Variants in CCDC183 observed in about 807,000 individuals in gnomAD.
The protein encoded by CCDC183 is coiled-coil domain-containing protein 183.
CCDC183 carries 63 observed loss-of-function variants against 65.2 expected under a neutral mutation model. The ratio of observed to expected loss-of-function variants is 0.97; its 90% CI spans 0.79 to 1.19. The LOEUF (loss-of-function observed/expected upper bound fraction) is 1.19. Ranked by LOEUF, CCDC183 falls within the 50% of genes most tolerant of loss-of-function variation. CCDC183 has a pLI of 0.00. For missense variants in CCDC183, 769 were observed against 689.3 expected, an observed-to-expected ratio of 1.12 and a Z score of -1.30; for synonymous variants, 323 against 276.5, an observed-to-expected ratio of 1.17 and a Z score of -1.67.
intron 2 of CCDC183, 34 bp downstream of exon 2, chr9:136,799,257 G>T (rs375740458): frequency 1.9e-5 from 30 of 1,570,482 alleles, no homozygotes; most frequent in Non-Finnish European, 3.4e-6. Context: ...TCTGCCTGGC[G>T]AGCAGGGCAG....
At position 136,807,005 on chromosome 9, in the gene CCDC183, G is replaced by T. The variant is rs780401236; in HGVS notation, c.1425G>T (p.Ser475=). 3.1e-6 allele frequency: 5 copies of T among 1,613,540 alleles called. No homozygotes were observed. Among genetic ancestry groups the T allele is most frequent in the Non-Finnish European group, 4.2e-6 (5 of 1,180,024 alleles). Residue 475 remains serine, a synonymous_variant, in exon 13 of 14, where the codon TCG becomes TCT. Coordinates refer to ENST00000338005, the MANE Select transcript of CCDC183 (RefSeq NM_001039374.5). ...AGGTGAGGGACACCCTGGAGTCCTCGACTCTGATGGAGAAGTACAACACCA... is the reference window on the plus strand; with the variant it reads ...AGGTGAGGGACACCCTGGAGTCCTCTACTCTGATGGAGAAGTACAACACCA... The part of the protein sequence containing the change: ...DTKVRDTLES[S]TLMEKYNTRI...
At chr9:136,800,561 G>A (rs1366370977) in intron 5 of CCDC183, 68 bp downstream of exon 5, 1 of 1,209,218 alleles carries the variant, frequency 8.3e-7, no homozygotes, top group African/African-American at 1.5e-5. Context: ...GAGCGTCCTG[G>A]GGCGGAGCCG....
rs759550831 is a variant in CCDC183, at chr9:136,799,138, A to C, written c.107A>C (p.Glu36Ala). 3 of 1,613,390 alleles carry C rather than the reference A, an allele frequency of 1.9e-6. No homozygotes were observed. The African/African-American group carries it at 4.0e-5, about 22-fold the overall frequency. The part of the protein sequence containing the change: ...CRALQIQGVK[E>A]NMDQNKATLA... ...GCACTCCAGATCCAAGGGGTGAAAGAGAATATGGACCAGAACAAGGCCACG... is the reference window on the plus strand; with the variant it reads ...GCACTCCAGATCCAAGGGGTGAAAGCGAATATGGACCAGAACAAGGCCACG... The change falls in exon 2 of 14, where the codon GAG becomes GCG. Residue 36 changes from glutamate to alanine, a missense_variant. By Grantham distance (107) the Glu-to-Ala change is moderately radical. Transcript: ENST00000338005.
chr9:136,797,661 A>G (rs572370745), intron 1 of CCDC183, among the ~76,000 whole-genome samples: 1 of 152,244 alleles, frequency 6.6e-6, no homozygotes, highest in African/African-American at 2.4e-5. Flanking sequence ...GATGGTCTCG[A>G]TCACCTGACC....
intron 1 of CCDC183, among the ~76,000 whole-genome samples, chr9:136,797,278 G>T (rs6560648): frequency 0.25 from 37,520 of 151,878 alleles, 4,838 homozygotes; most frequent in African/African-American, 0.31. Flanking sequence ...CCCTGCTGAC[G>T]TTCTCACCAC....
chr9:136,800,132 AGC>A lies in CCDC183; in HGVS notation c.402_403del (p.Gln134HisfsTer55). On this transcript the variant is annotated frameshift_variant, in exon 4 of 14. Transcript: ENST00000338005. LOFTEE classifies it high-confidence loss of function. ...CTGGAGCTGGACAGCCTGCGGAGCC[AGC>A]CCGACGCCAGCAAGGAGGAGCTGCG... 7.0e-7 allele frequency: 1 copy of A among 1,432,810 alleles called. No individual in the cohort carries two copies. The allele number at this position is 1,432,810 out of a possible 1,614,324, so 88.8% of individuals were successfully genotyped here. A position where few individuals can be genotyped will look rare whatever the true frequency, so the allele number is the denominator to read the frequency against.
intron 2 of CCDC183, 174 bp from the exon 3 acceptor site, chr9:136,799,539 T>G: frequency 1.4e-6 from 1 of 694,922 alleles, no homozygotes; most frequent in South Asian, 1.8e-5. Context: ...CCACGTCGCC[T>G]CCGAACTTGG....
chr9:136,799,105 A>C lies in CCDC183; in HGVS notation c.74A>C (p.Gln25Pro), dbSNP rs1056089921. ...TGTCCCCTCCACCTGCCCACAGAGC[A>C]GTGTCGGGCACTCCAGATCCAAGGG... ...ELKTITQLQE[Q>P]CRALQIQGVK... is the part of the protein sequence containing the mutation. The change falls in exon 2 of 14, where the codon CAG (glutamine) becomes CCG (proline). Residue 25 changes from glutamine to proline, a missense_variant. By Grantham distance (76) the Gln-to-Pro change is moderately conservative (BLOSUM62 -1). Transcript: ENST00000338005. 5.0e-6 allele frequency: 8 copies of C among 1,612,848 alleles called. No homozygotes were observed. Among genetic ancestry groups the C allele is most frequent in the Non-Finnish European group, 6.8e-6 (8 of 1,179,634 alleles).
Position 136,807,078 on chromosome 9 carries a change from G to T in CCDC183, c.1486+12G>T. 1.2e-6 allele frequency: 2 copies of T among 1,611,618 alleles called. No homozygotes were observed. The highest frequency in any genetic ancestry group is 1.7e-6 in the Non-Finnish European group (2 of 1,178,982). Reference sequence around the variant, plus strand: ...GGAGGATATGATCGGTACAGGCCCCGGAACTGGGGCCCGGGCTGCAGGCGG... The same window carrying T: ...GGAGGATATGATCGGTACAGGCCCCTGAACTGGGGCCCGGGCTGCAGGCGG... On this transcript the variant is annotated intron_variant, in intron 13 of 13. Transcript: ENST00000338005.
At chr9:136,799,291 A>G in intron 2 of CCDC183, 68 bp downstream of exon 2, 2 of 1,517,448 alleles carry the variant, frequency 1.3e-6, no homozygotes, top group East Asian at 2.3e-5. Context: ...ACACACTCGG[A>G]GGGCGGGCAC....
At chr9:136,805,681 G>A in intron 9 of CCDC183, 1 of 565,474 alleles carries the variant, frequency 1.8e-6, no homozygotes, top group Non-Finnish European at 3.2e-6. Flanking sequence ...ATTAGGCCTT[G>A]AGCTCCTAAC....
At chr9:136,799,503 C>T (rs901940040) in intron 2 of CCDC183, 3 of 681,146 alleles carry the variant, frequency 4.4e-6, no homozygotes, top group African/African-American at 1.8e-5. Flanking sequence ...AGGGGACACC[C>T]AGGCCCTCCT....
chr9:136,805,080 C>T (rs1564351415), intron 8 of CCDC183: 1 of 593,130 alleles, frequency 1.7e-6, no homozygotes, highest in Non-Finnish European at 3.0e-6. Flanking sequence ...CATCCTGACC[C>T]CTAAGCTGCC....
chr9:136,797,332 T>G (rs1459606702), intron 1 of CCDC183, among the ~76,000 whole-genome samples: 2 of 152,106 alleles, frequency 1.3e-5, no homozygotes, highest in African/African-American at 2.4e-5. Flanking sequence ...GTAAAAATAA[T>G]GATCAGTAAA....
chr9:136,799,117 T>C lies in CCDC183; in HGVS notation c.86T>C (p.Leu29Pro). The C allele has an allele frequency of 6.2e-7, 1 of 1,613,262 alleles. No individual in the cohort carries two copies. The highest frequency in any genetic ancestry group is 8.5e-7 in the Non-Finnish European group (1 of 1,179,812). Residue 29 changes from leucine (L) to proline (P), a missense_variant, in exon 2 of 14, where the codon CTC becomes CCC. Leu to Pro is a moderately conservative substitution (Grantham distance 98, BLOSUM62 -3). Transcript: ENST00000338005. ...ITQLQEQCRA[L>P]QIQGVKENMD... ...CTGCCCACAGAGCAGTGTCGGGCAC[T>C]CCAGATCCAAGGGGTGAAAGAGAAT...
intron 9 of CCDC183, 106 bp downstream of exon 9, chr9:136,805,563 C>A: frequency 9.4e-7 from 1 of 1,062,618 alleles, no homozygotes. Context: ...GGTGGCTGAG[C>A]TGGGCTGGGG....
At chr9:136,807,411 G>A (rs1291357238) in intron 13 of CCDC183, 161 bp from the exon 14 acceptor site, 7 of 928,818 alleles carry the variant, frequency 7.5e-6, no homozygotes, top group Admixed American at 6.0e-5. Flanking sequence ...GGCAGCGTGA[G>A]CCGCTGCGAA....
At position 136,806,857 on chromosome 9, in the gene CCDC183, G is replaced by A. The variant is rs1002514874; in HGVS notation, c.1379G>A (p.Arg460Lys). Residue 460 changes from arginine (R) to lysine (K), a missense_variant, in exon 12 of 14, where the codon AGG (arginine) becomes AAG (lysine). Transcript: ENST00000338005. ...GCTGACAGAGTGCAGATGGTGTCCA[G>A]GACCGAGGAGGTAGCCCCGGGCTGG... Reference protein sequence around the residue: ...YLADRVQMVSRTEEGDTKVRD... With the variant: ...YLADRVQMVSKTEEGDTKVRD... 3 of 1,613,488 alleles carry A rather than the reference G, an allele frequency of 1.9e-6. No homozygotes were observed. Among genetic ancestry groups the A allele is most frequent in the Non-Finnish European group, 2.5e-6 (3 of 1,180,012 alleles).
At chr9:136,803,942 T>C (rs1196563876) in intron 6 of CCDC183, 2 of 159,074 alleles carry the variant, frequency 1.3e-5, no homozygotes, top group African/African-American at 4.8e-5. Context: ...AGAAAGGGTG[T>C]ACTCAGGCTG....
Sources: allele counts gnomAD v4.1 joint callset (sites outside exome capture counted in the v4.1 genomes callset), GRCh38; gene constraint gnomAD v4.1.1; transcripts MANE v1.5; gene names NCBI Gene and HGNC (gene_info 2026-07-23, HGNC 2026-07-21).